Variants in SPATA17 observed in about 807,000 individuals in gnomAD.
SPATA17 encodes the protein spermatogenesis associated 17.
A neutral mutation model predicts 62.2 loss-of-function variants in SPATA17; 53 were observed. The ratio of observed to expected loss-of-function variants is 0.85; its 90% CI spans 0.68 to 1.07. The LOEUF (loss-of-function observed/expected upper bound fraction) is 1.07. Among genes scored for constraint, SPATA17 ranks in the 50% least tolerant of loss-of-function variants. The probability of loss-of-function intolerance (pLI) is 0.00; values close to 1 mark genes in which losing one functional copy is unlikely to be tolerated. For missense variants in SPATA17, 466 were observed against 425.5 expected, an observed-to-expected ratio of 1.10 and a Z score of -0.84; for synonymous variants, 146 against 146.8, an observed-to-expected ratio of 0.99 and a Z score of 0.04.
At chr1:217,633,919 A>G (rs1669878747) in intron 1 of SPATA17, among the ~76,000 whole-genome samples, 1 of 152,220 alleles carries the variant, frequency 6.6e-6, no homozygotes, top group South Asian at 2.1e-4. Context: ...GGAAACGAGA[A>G]GCTCCTCTGC....
chr1:217,849,741 G>A (rs1277735826), intron 9 of SPATA17, among the ~76,000 whole-genome samples: 1 of 152,072 alleles, frequency 6.6e-6, no homozygotes, highest in African/African-American at 2.4e-5. Flanking sequence ...GAACCTGAGG[G>A]GAGGAGGGGA....
At chr1:217,774,918 C>A (rs1051007344) in intron 7 of SPATA17, among the ~76,000 whole-genome samples, 8 of 152,150 alleles carry the variant, frequency 5.3e-5, no homozygotes, top group Non-Finnish European at 1.2e-4. Context: ...ATTTGAGTTG[C>A]GACCACACTT....
chr1:217,778,913 A>G (rs764996673), intron 7 of SPATA17, among the ~76,000 whole-genome samples: 3 of 152,110 alleles, frequency 2.0e-5, no homozygotes, highest in Admixed American at 1.3e-4. Context: ...CATTCCCTAC[A>G]TGGCTTTCTT....
intron 7 of SPATA17, among the ~76,000 whole-genome samples, chr1:217,780,986 A>C (rs1196457629): frequency 6.6e-6 from 1 of 152,190 alleles, no homozygotes; most frequent in Non-Finnish European, 1.5e-5. Context: ...ATTTCTTAAT[A>C]GTGGACTTGG....
chr1:217,730,682 C>T (rs558411031), intron 5 of SPATA17, among the ~76,000 whole-genome samples: 1 of 152,238 alleles, frequency 6.6e-6, no homozygotes, highest in South Asian at 2.1e-4. Context: ...AGTCCATGGA[C>T]TTAGCCTTAC....
chr1:217,859,284 A>G lies in SPATA17; in HGVS notation c.1006-3490A>G, dbSNP rs148362594. ...ATATATGTAAAAGTTATATCTAAAA[A>G]TTCTCCATATATAATTTTCTATGTG... is the stretch of plus-strand genomic sequence containing the variant. On this transcript the variant is annotated intron_variant, in intron 9 of 10. Coordinates refer to ENST00000366933, the MANE Select transcript of SPATA17 (RefSeq NM_138796.4). Among the ~76,000 whole-genome samples, 1,113 of 147,812 alleles carry G rather than the reference A, an allele frequency of 7.5e-3. 6 individuals are homozygous for G. Among genetic ancestry groups the G allele is most frequent in the African/African-American group, 0.017 (695 of 40,810 alleles).
chr1:217,828,702 A>G (rs1114662), intron 9 of SPATA17, among the ~76,000 whole-genome samples: 10,962 of 152,130 alleles, frequency 0.072, 456 homozygotes, highest in East Asian at 0.15. Flanking sequence ...CACTCATCTG[A>G]TAAGGGTCAA....
intron 9 of SPATA17, among the ~76,000 whole-genome samples, chr1:217,808,371 ACACACACACACC>A (rs753244972): frequency 2.9e-4 from 28 of 95,374 alleles, no homozygotes; most frequent in African/African-American, 4.4e-4. Flanking sequence ...ACACACACAC[ACACACACACACC>A]CCCCTCAGAA....
intron 9 of SPATA17, among the ~76,000 whole-genome samples, chr1:217,861,782 C>T (rs568836841): frequency 5.3e-5 from 8 of 152,272 alleles, no homozygotes; most frequent in African/African-American, 1.9e-4. Flanking sequence ...CACTCAAAAG[C>T]AGTGTCTGTC....
intron 6 of SPATA17, among the ~76,000 whole-genome samples, chr1:217,767,410 T>C (rs1673326673): frequency 6.6e-6 from 1 of 152,196 alleles, no homozygotes; most frequent in Admixed American, 6.5e-5. Flanking sequence ...GTGTCTAACA[T>C]CAGTTTGGGT....
intron 9 of SPATA17, among the ~76,000 whole-genome samples, chr1:217,808,157 A>G (rs763951213): frequency 1.3e-5 from 2 of 152,188 alleles, no homozygotes; most frequent in Non-Finnish European, 2.9e-5. Context: ...CATGGAAAGA[A>G]CAAAGTCTCC....
At chr1:217,823,743 A>G (rs1235411731) in intron 9 of SPATA17, among the ~76,000 whole-genome samples, 2 of 151,924 alleles carry the variant, frequency 1.3e-5, no homozygotes, top group East Asian at 3.9e-4. Flanking sequence ...ATTGCAGTGT[A>G]TCTCTCTCTT....
intron 9 of SPATA17, among the ~76,000 whole-genome samples, chr1:217,836,286 A>G (rs1048855619): frequency 2.0e-5 from 3 of 152,154 alleles, no homozygotes; most frequent in African/African-American, 7.2e-5. Flanking sequence ...CTCTACTTGG[A>G]TATAAAGTTT....
At chr1:217,803,158 C>A (rs760608901) in intron 9 of SPATA17, among the ~76,000 whole-genome samples, 2 of 152,102 alleles carry the variant, frequency 1.3e-5, no homozygotes, top group Non-Finnish European at 2.9e-5. Context: ...GTGATCTGCC[C>A]GCCTCAGCCT....
chr1:217,676,241 G>A (rs1422200095), intron 4 of SPATA17, among the ~76,000 whole-genome samples: 1 of 152,094 alleles, frequency 6.6e-6, no homozygotes, highest in Non-Finnish European at 1.5e-5. Flanking sequence ...TCCATCATAA[G>A]CCTAGATGAA....
intron 5 of SPATA17, among the ~76,000 whole-genome samples, chr1:217,730,436 C>T (rs888141552): frequency 6.6e-6 from 1 of 151,968 alleles, no homozygotes; most frequent in Non-Finnish European, 1.5e-5. Context: ...ATGCTGATCT[C>T]GAACTCCTGA....
intron 6 of SPATA17, among the ~76,000 whole-genome samples, chr1:217,766,146 C>T (rs1280977920): frequency 6.6e-6 from 1 of 151,554 alleles, no homozygotes; most frequent in African/African-American, 2.4e-5. Context: ...TTATTTAGAC[C>T]ATTAGTGTTT....
intron 3 of SPATA17, among the ~76,000 whole-genome samples, chr1:217,652,865 A>G (rs1222200667): frequency 6.6e-6 from 1 of 152,144 alleles, no homozygotes; most frequent in Non-Finnish European, 1.5e-5. Flanking sequence ...GACCTTGCTT[A>G]TGTCCCTTGT....
At chr1:217,777,897 T>C (rs953847322) in intron 7 of SPATA17, among the ~76,000 whole-genome samples, 1 of 152,120 alleles carries the variant, frequency 6.6e-6, no homozygotes, top group Non-Finnish European at 1.5e-5. Flanking sequence ...TAAATAAGAG[T>C]TATATCAATA....
Sources: allele counts gnomAD v4.1 joint callset (sites outside exome capture counted in the v4.1 genomes callset), GRCh38; gene constraint gnomAD v4.1.1; transcripts MANE v1.5; gene names NCBI Gene and HGNC (gene_info 2026-07-23, HGNC 2026-07-21).